Variants in DIAPH2 observed in about 807,000 individuals in gnomAD.
DIAPH2 encodes the protein diaphanous related formin 2.
Under a neutral mutation model 92.7 loss-of-function variants are expected in DIAPH2, and 35 were observed. The observed-to-expected ratio is 0.38, with a 90% confidence interval of 0.29 to 0.50. DIAPH2 has a LOEUF of 0.50. DIAPH2 is among the 20% of genes least tolerant of loss of function. The probability of loss-of-function intolerance (pLI) is 0.94; values close to 1 mark genes in which losing one functional copy is unlikely to be tolerated. For synonymous variants in DIAPH2, 301 were observed against 280.4 expected (o/e 1.07, Z -0.73); for missense variants, 701 against 819.5 (o/e 0.86, Z 1.77).
chrX:97,071,905 G>C (rs185582021), intron 17 of DIAPH2, among the ~76,000 whole-genome samples: 74 of 112,020 alleles, frequency 6.6e-4, no homozygotes, highest in African/African-American at 2.1e-3. Context: ...GCAGCAGCAT[G>C]ATTATGGTCA....
intron 26 of DIAPH2, among the ~76,000 whole-genome samples, chrX:97,474,915 A>C (rs2070592158): frequency 9.0e-6 from 1 of 111,137 alleles, no homozygotes; most frequent in Non-Finnish European, 1.9e-5. Context: ...GAAATGAGAA[A>C]TCTGATTTGT....
intron 22 of DIAPH2, among the ~76,000 whole-genome samples, chrX:97,185,445 A>ATATATG: frequency 1.7e-5 from 1 of 58,627 alleles, no homozygotes; most frequent in Non-Finnish European, 2.8e-5. Context: ...GTGTATATAT[A>ATATATG]TATGTGTGTG....
At chrX:96,704,801 T>C (rs1439547637) in intron 1 of DIAPH2, among the ~76,000 whole-genome samples, 1 of 110,939 alleles carries the variant, frequency 9.0e-6, no homozygotes, top group Non-Finnish European at 1.9e-5. Flanking sequence ...AAAACAGCTG[T>C]ATATAACCTC....
At chrX:97,312,791 A>G (rs1348507915) in intron 23 of DIAPH2, among the ~76,000 whole-genome samples, 3 of 111,744 alleles carry the variant, frequency 2.7e-5, no homozygotes, top group African/African-American at 3.2e-5. Flanking sequence ...ACATGGTAAG[A>G]ATAGAGTTGT....
intron 23 of DIAPH2, chrX:97,341,146 G>A (rs1479681172): frequency 1.8e-5 from 2 of 108,972 alleles, no homozygotes; most frequent in Admixed American, 2.0e-4. Context: ...GCGCTAGGCT[G>A]ATTGGGCATC....
intron 26 of DIAPH2, among the ~76,000 whole-genome samples, chrX:97,551,385 T>C (rs1485493788): frequency 1.8e-5 from 2 of 110,084 alleles, no homozygotes; most frequent in Non-Finnish European, 3.8e-5. Flanking sequence ...AGATGAGGAG[T>C]TCGAGACCAG....
intron 17 of DIAPH2, among the ~76,000 whole-genome samples, chrX:97,047,145 A>G (rs1293235300): frequency 9.0e-6 from 1 of 111,525 alleles, no homozygotes; most frequent in Non-Finnish European, 1.9e-5. Context: ...AGATCTGAAG[A>G]TTAAATGGAA....
intron 5 of DIAPH2, among the ~76,000 whole-genome samples, chrX:96,904,832 A>G (rs2065422268): frequency 9.0e-6 from 1 of 111,405 alleles, no homozygotes; most frequent in African/African-American, 3.3e-5. Flanking sequence ...AAAACAAACC[A>G]AAACCCACCA....
chrX:97,163,409 C>T (rs1389612101), intron 22 of DIAPH2, among the ~76,000 whole-genome samples: 1 of 110,994 alleles, frequency 9.0e-6, no homozygotes, highest in East Asian at 2.8e-4. Flanking sequence ...AGGCTAGTCT[C>T]GAACTTCTGG....
intron 17 of DIAPH2, among the ~76,000 whole-genome samples, chrX:97,015,437 C>T (rs751748087): frequency 9.0e-6 from 1 of 111,653 alleles, no homozygotes; most frequent in African/African-American, 3.3e-5. Context: ...TTTCCATTGT[C>T]TTTCCTATGT....
chrX:96,933,246 G>A (rs1222237301), intron 10 of DIAPH2, among the ~76,000 whole-genome samples: 7 of 110,617 alleles, frequency 6.3e-5, no homozygotes, highest in Non-Finnish European at 1.1e-4. Context: ...TCCTCCGCAG[G>A]TATTTCTTTT....
chrX:96,955,145 C>G (rs1269513667), intron 15 of DIAPH2, among the ~76,000 whole-genome samples: 1 of 111,677 alleles, frequency 9.0e-6, no homozygotes, highest in Non-Finnish European at 1.9e-5. Context: ...AATTGACTTG[C>G]AGTTTTGCAG....
At chrX:97,590,133 T>G (rs2071507666) in intron 26 of DIAPH2, among the ~76,000 whole-genome samples, 1 of 112,029 alleles carries the variant, frequency 8.9e-6, no homozygotes, top group Non-Finnish European at 1.9e-5. Flanking sequence ...TTAAGTATCT[T>G]TTATCAAAAT....
intron 17 of DIAPH2, among the ~76,000 whole-genome samples, chrX:96,994,288 A>G (rs910636607): frequency 7.1e-5 from 8 of 112,013 alleles, no homozygotes; most frequent in Admixed American, 5.7e-4. Context: ...GAAGTGAGAG[A>G]CAAAGGGGAA....
At chrX:97,260,996 C>T (rs1242683544) in intron 23 of DIAPH2, among the ~76,000 whole-genome samples, 1 of 112,345 alleles carries the variant, frequency 8.9e-6, no homozygotes, top group Non-Finnish European at 1.9e-5. Flanking sequence ...AACTGCCATG[C>T]GTTAGTCTTT....
chrX:97,527,193 G>T (rs1328951913), intron 26 of DIAPH2, among the ~76,000 whole-genome samples: 4 of 112,211 alleles, frequency 3.6e-5, no homozygotes, highest in Non-Finnish European at 5.6e-5. Context: ...TGTAGTTATT[G>T]AGAGGTTTCT....
intron 17 of DIAPH2, among the ~76,000 whole-genome samples, chrX:97,017,483 G>A (rs1051183975): frequency 7.2e-5 from 8 of 111,412 alleles, no homozygotes; most frequent in African/African-American, 2.3e-4. Flanking sequence ...CAAGAATTTG[G>A]GACCTTCTTT....
intron 24 of DIAPH2, among the ~76,000 whole-genome samples, chrX:97,362,620 T>C (rs1251287441): frequency 8.9e-6 from 1 of 112,536 alleles, no homozygotes; most frequent in Non-Finnish European, 1.9e-5. Context: ...GGATTATTTA[T>C]TGAGTGCCTA....
intron 4 of DIAPH2, among the ~76,000 whole-genome samples, chrX:96,838,183 T>C (rs1024206645): frequency 1.8e-5 from 2 of 111,951 alleles, no homozygotes; most frequent in African/African-American, 3.3e-5. Context: ...AGTGACTAAA[T>C]TGATCAAATT....
Sources: allele counts gnomAD v4.1 joint callset (sites outside exome capture counted in the v4.1 genomes callset), GRCh38; gene constraint gnomAD v4.1.1; transcripts MANE v1.5; gene names NCBI Gene and HGNC (gene_info 2026-07-23, HGNC 2026-07-21).